Variants in ZSWIM5 observed in about 807,000 individuals in gnomAD.
ZSWIM5 encodes the protein zinc finger SWIM domain-containing protein 5.
In ZSWIM5, 55 loss-of-function variants were observed where a neutral mutation model predicts 119.6. The observed-to-expected ratio is 0.46, with a 90% CI of 0.37 to 0.58. The LOEUF (loss-of-function observed/expected upper bound fraction) is 0.58, where lower values mean the gene tolerates loss of function less well. Ranked by LOEUF, ZSWIM5 falls within the 20% of genes least tolerant of loss-of-function variation. ZSWIM5 has a pLI of 0.00. For missense variants in ZSWIM5, 1,193 were observed against 1,512.8 expected (o/e 0.79, Z 3.51); for synonymous variants, 537 against 606.9 (o/e 0.88, Z 1.69).
At chr1:45,098,060 A>T (rs1269903017) in intron 1 of ZSWIM5, among the ~76,000 whole-genome samples, 1 of 152,218 alleles carries the variant, frequency 6.6e-6, no homozygotes, top group Non-Finnish European at 1.5e-5. Context: ...ATGGCAGAGT[A>T]GTGGTAAAGA....
At chr1:45,121,376 T>A (rs1180441666) in intron 1 of ZSWIM5, among the ~76,000 whole-genome samples, 3 of 152,218 alleles carry the variant, frequency 2.0e-5, no homozygotes, top group Admixed American at 6.5e-5. Flanking sequence ...ATCACTTTAA[T>A]GTTCCTCAGG....
At chr1:45,121,599 C>CTT (rs1181121841) in intron 1 of ZSWIM5, among the ~76,000 whole-genome samples, 49 of 145,548 alleles carry the variant, frequency 3.4e-4, no homozygotes, top group African/African-American at 1.2e-3. Flanking sequence ...TTTTTTTCTT[C>CTT]TTCTTTTTTT....
chr1:45,069,970 A>C, intron 2 of ZSWIM5: 1 of 684,998 alleles, frequency 1.5e-6, no homozygotes, highest in South Asian at 1.6e-5. Flanking sequence ...TTCTTCTCAA[A>C]TGCAGTCTAA....
intron 1 of ZSWIM5, among the ~76,000 whole-genome samples, chr1:45,093,926 C>T (rs1645382718): frequency 6.6e-6 from 1 of 151,448 alleles, no homozygotes; most frequent in Admixed American, 6.6e-5. Flanking sequence ...TTGCTGCAAC[C>T]TTGACCTCCT....
intron 1 of ZSWIM5, among the ~76,000 whole-genome samples, chr1:45,179,505 T>C (rs1177249409): frequency 6.6e-6 from 1 of 152,142 alleles, no homozygotes; most frequent in African/African-American, 2.4e-5. Context: ...GCTCACTACC[T>C]GGGTAACAGA....
intron 8 of ZSWIM5, among the ~76,000 whole-genome samples, chr1:45,036,542 G>A (rs1421540933): frequency 1.3e-5 from 2 of 151,576 alleles, no homozygotes; most frequent in Non-Finnish European, 2.9e-5. Context: ...TTTAGTAGAG[G>A]GGCGGTTTCA....
intron 4 of ZSWIM5, among the ~76,000 whole-genome samples, chr1:45,058,026 A>C (rs1466635039): frequency 6.6e-6 from 1 of 152,170 alleles, no homozygotes; most frequent in Non-Finnish European, 1.5e-5. Context: ...TTTTTGTAGG[A>C]GAAAGCCCAA....
At chr1:45,086,788 T>TA (rs531052347) in intron 2 of ZSWIM5, among the ~76,000 whole-genome samples, 1 of 149,026 alleles carries the variant, frequency 6.7e-6, no homozygotes, top group Non-Finnish European at 1.5e-5. Flanking sequence ...TAATAAAAAA[T>TA]AAAAAAAATA....
intron 1 of ZSWIM5, among the ~76,000 whole-genome samples, chr1:45,116,335 G>C (rs554078617): frequency 3.9e-5 from 6 of 152,154 alleles, no homozygotes; most frequent in South Asian, 2.1e-4. Context: ...CTGAGCTATC[G>C]ATACGGTTGT....
chr1:45,018,996 AGCGG>A lies in ZSWIM5; in HGVS notation c.3012_3015del (p.Arg1005ThrfsTer19). On this transcript the variant is annotated frameshift_variant, in exon 14 of 14. Transcript: ENST00000359600. LOFTEE classifies it high-confidence loss of function. The surrounding 1 kb of genome is among the most constrained non-coding windows in gnomAD (Gnocchi z 6.7). ...AGCGGGTAGCCACGGAGCTCCATGT[AGCGG>A]GCGATGGTGAACAGCTGTGAATGGG... The A allele has an allele frequency of 6.2e-7, 1 of 1,614,198 alleles. No homozygotes were observed. The highest frequency in any genetic ancestry group is 1.1e-5 in the South Asian group (1 of 91,084).
chr1:45,185,145 G>C (rs1187026594), intron 1 of ZSWIM5, among the ~76,000 whole-genome samples: 1 of 152,014 alleles, frequency 6.6e-6, no homozygotes, highest in African/African-American at 2.4e-5. Context: ...AACAAGCAAT[G>C]GGGAAAGGAT....
At chr1:45,100,931 T>C (rs1199304990) in intron 1 of ZSWIM5, among the ~76,000 whole-genome samples, 4 of 152,238 alleles carry the variant, frequency 2.6e-5, no homozygotes, top group Middle Eastern at 3.4e-3. Flanking sequence ...ATGTTAGACC[T>C]AAAACCATAA....
intron 1 of ZSWIM5, among the ~76,000 whole-genome samples, chr1:45,156,685 G>A (rs1182086154): frequency 6.7e-6 from 1 of 149,060 alleles, no homozygotes; most frequent in Non-Finnish European, 1.5e-5. Flanking sequence ...GGGTAGAGTA[G>A]GAACGTACTG....
At chr1:45,109,217 G>A (rs982635213) in intron 1 of ZSWIM5, among the ~76,000 whole-genome samples, 6 of 152,180 alleles carry the variant, frequency 3.9e-5, no homozygotes, top group African/African-American at 1.4e-4. Flanking sequence ...CACCAAGGCA[G>A]AAGATATTCA....
At chr1:45,143,267 C>G (rs1295119731) in intron 1 of ZSWIM5, among the ~76,000 whole-genome samples, 1 of 151,478 alleles carries the variant, frequency 6.6e-6, no homozygotes, top group Non-Finnish European at 1.5e-5. Flanking sequence ...ATTAGCATAC[C>G]AAGTCCAGAA....
intron 11 of ZSWIM5, among the ~76,000 whole-genome samples, chr1:45,032,643 G>T (rs547217002): frequency 6.6e-6 from 1 of 151,562 alleles, no homozygotes; most frequent in Non-Finnish European, 1.5e-5. Flanking sequence ...GCACTACCAC[G>T]CCCAGCTAAT....
chr1:45,138,264 G>A (rs1645701624), intron 1 of ZSWIM5, among the ~76,000 whole-genome samples: 1 of 152,004 alleles, frequency 6.6e-6, no homozygotes, highest in South Asian at 2.1e-4. Flanking sequence ...AGCACTTTGG[G>A]AGGCCGAGGC....
At chr1:45,144,219 A>C (rs1029880479) in intron 1 of ZSWIM5, among the ~76,000 whole-genome samples, 10 of 152,150 alleles carry the variant, frequency 6.6e-5, no homozygotes, top group African/African-American at 2.4e-4. Context: ...AGAGGAATCA[A>C]ATGAACTTTA....
At chr1:45,160,914 C>G (rs569525935) in intron 1 of ZSWIM5, among the ~76,000 whole-genome samples, 2 of 150,962 alleles carry the variant, frequency 1.3e-5, no homozygotes, top group Admixed American at 6.6e-5. Flanking sequence ...CTCCGCCTCC[C>G]GGGTTCACGC....
Sources: allele counts gnomAD v4.1 joint callset (sites outside exome capture counted in the v4.1 genomes callset), GRCh38; gene constraint gnomAD v4.1.1; non-coding constraint Gnocchi (gnomAD v3.1); transcripts MANE v1.5; gene names NCBI Gene and HGNC (gene_info 2026-07-23, HGNC 2026-07-21).